The following PRSS23 variants were observed in gnomAD, a reference collection of about 807,000 sequenced individuals.
The protein encoded by PRSS23 is serine protease 23.
A neutral mutation model predicts 34.7 loss-of-function variants in PRSS23; 25 were observed. The observed-to-expected ratio is 0.72, with a 90% CI of 0.53 to 1.01. The LOEUF (loss-of-function observed/expected upper bound fraction) is 1.01, where lower values mean the gene tolerates loss of function less well. Among genes scored for constraint, PRSS23 ranks in the 50% least tolerant of loss-of-function variants. PRSS23 has a pLI of 0.00. For missense variants in PRSS23, 445 were observed against 475.6 expected (o/e 0.94, Z 0.60); for synonymous variants, 176 against 186.6 (o/e 0.94, Z 0.46).
At chr11:86,837,500 GGCTC>G (rs1948415590) in intron 2 of PRSS23, 2 of 152,238 alleles carry the variant, frequency 1.3e-5, no homozygotes, top group African/African-American at 2.4e-5. Flanking sequence ...CAGACACAGT[GGCTC>G]ACACCTGTAA....
rs1948173849 is a variant in PRSS23 at position 86,811,112 on chromosome 11, C to G, written c.*2317C>G. The G allele has an allele frequency of 6.0e-6, 1 of 167,072 alleles. No individual in the cohort carries two copies. The highest frequency in any genetic ancestry group is 1.5e-5 in the Non-Finnish European group (1 of 68,124). 10.3% of individuals were successfully genotyped at this position (167,072 alleles called of 1,614,324 possible). A position where few individuals can be genotyped will look rare whatever the true frequency, so the allele number is the denominator to read the frequency against. On this transcript the variant is annotated 3_prime_UTR_variant, in exon 2 of 2. Transcript: ENST00000280258. ...TCAGAGGAAGATGCCTCTCCATTTT[C>G]CCTCTCTTTATCAGAGGTTCACATG...
chr11:86,945,209 G>GA (rs919193894), intron 2 of PRSS23, among the ~76,000 whole-genome samples: 361 of 139,936 alleles, frequency 2.6e-3, no homozygotes, highest in African/African-American at 7.4e-3. Flanking sequence ...TGGGTAGCCA[G>GA]AAAAAAAAAA....
chr11:86,951,308 A>G lies in PRSS23; in HGVS notation c.*23A>G, dbSNP rs777938879. ...TGAAGTGATGCCCACCAACAAAGACATAAAAATTTTCAACATTTCAACAGC... is the reference window on the plus strand; with the variant it reads ...TGAAGTGATGCCCACCAACAAAGACGTAAAAATTTTCAACATTTCAACAGC... On this transcript the variant is annotated 3_prime_UTR_variant, in exon 3 of 3. Transcript: ENST00000533902. 1.1e-5 allele frequency: 17 copies of G among 1,614,048 alleles called. No individual in the cohort carries two copies. In the South Asian group the frequency reaches 1.9e-4, roughly 18 times the overall value.
intron 2 of PRSS23, among the ~76,000 whole-genome samples, chr11:86,904,138 A>C (rs1263565773): frequency 6.6e-6 from 1 of 152,172 alleles, no homozygotes; most frequent in Non-Finnish European, 1.5e-5. Context: ...GAGTACAAAT[A>C]AAGCTGCAGA....
intron 2 of PRSS23, among the ~76,000 whole-genome samples, chr11:86,858,639 G>T (rs1165810676): frequency 6.6e-6 from 1 of 151,510 alleles, no homozygotes; most frequent in East Asian, 1.9e-4. Flanking sequence ...ATATTGCAGG[G>T]GGTGTACACA....
At chr11:86,800,466 G>C (rs1425943450), upstream of PRSS23, 2 of 983,862 alleles carry the variant, frequency 2.0e-6, no homozygotes, top group Non-Finnish European at 2.4e-6. Context: ...CCCCGAGGCC[G>C]GAGGCGGGGC....
exon 3 of PRSS23, chr11:86,951,459 G>A (rs748018430): frequency 1.2e-6 from 2 of 1,613,922 alleles, no homozygotes; most frequent in South Asian, 2.2e-5. Flanking sequence ...TTGACCATCA[G>A]TCTTTCTAAC....
intron 2 of PRSS23, among the ~76,000 whole-genome samples, chr11:86,852,276 G>A (rs1217593194): frequency 2.6e-5 from 4 of 152,198 alleles, no homozygotes; most frequent in African/African-American, 9.7e-5. Flanking sequence ...ACCTCACACT[G>A]CAGGGCTGGA....
intron 2 of PRSS23, among the ~76,000 whole-genome samples, chr11:86,899,390 G>A (rs1222566868): frequency 2.6e-5 from 4 of 152,166 alleles, no homozygotes; most frequent in African/African-American, 7.2e-5. Context: ...ATGGCAGCTC[G>A]CACCTGTAGT....
At chr11:86,851,318 G>A (rs980685906) in intron 2 of PRSS23, among the ~76,000 whole-genome samples, 2 of 152,218 alleles carry the variant, frequency 1.3e-5, no homozygotes, top group African/African-American at 4.8e-5. Context: ...CCAGGGGCAG[G>A]GGCAAGGGAG....
chr11:86,827,867 A>T (rs1258728583), intron 2 of PRSS23, among the ~76,000 whole-genome samples: 1 of 152,128 alleles, frequency 6.6e-6, no homozygotes, highest in Non-Finnish European at 1.5e-5. Context: ...GACAGTTTGT[A>T]ATAATGTCTG....
At chr11:86,831,510 C>T (rs61906679) in intron 2 of PRSS23, among the ~76,000 whole-genome samples, 4,001 of 151,788 alleles carry the variant, frequency 0.026, 89 homozygotes, top group Middle Eastern at 0.085. Context: ...GTATACACAC[C>T]GTGATATTAT....
At chr11:86,924,933 G>A (rs1433161010) in intron 2 of PRSS23, 1 of 152,136 alleles carries the variant, frequency 6.6e-6, no homozygotes, top group Admixed American at 6.6e-5. Context: ...CTGAGACTCA[G>A]TATTTCATTC....
intron 2 of PRSS23, among the ~76,000 whole-genome samples, chr11:86,828,423 A>G (rs1479212649): frequency 6.6e-6 from 1 of 152,136 alleles, no homozygotes; most frequent in Non-Finnish European, 1.5e-5. Context: ...AATACAGCAC[A>G]CTGGTGGGTC....
At chr11:86,885,393 T>C (rs80324631) in intron 2 of PRSS23, among the ~76,000 whole-genome samples, 7,238 of 152,362 alleles carry the variant, frequency 0.048, 187 homozygotes, top group Middle Eastern at 0.12. Context: ...ACTCCTATGA[T>C]GGTTAACTTT....
At chr11:86,880,456 A>AT (rs1481818722) in intron 2 of PRSS23, among the ~76,000 whole-genome samples, 1 of 151,400 alleles carries the variant, frequency 6.6e-6, no homozygotes, top group Non-Finnish European at 1.5e-5. Flanking sequence ...AAAAATAAAA[A>AT]AAATAAAAAG....
intron 2 of PRSS23, among the ~76,000 whole-genome samples, chr11:86,853,331 C>T (rs1392680686): frequency 1.1e-4 from 15 of 142,458 alleles, no homozygotes; most frequent in South Asian, 2.3e-4. Context: ...CTGGGCTCAC[C>T]GCAACCTCCG....
Position 86,829,672 on chromosome 11 carries a change from G to A in PRSS23, c.206+6079G>A, listed in dbSNP as rs549600096. On this transcript the variant is annotated intron_variant, in intron 2 of 2. Transcript: ENST00000533902. Reference sequence around the variant, plus strand: ...GATGTACAGATGGGTTTTTGGTGTGGATGTCCTTTCTGTTTGTTAGTTTTC... The same window carrying A: ...GATGTACAGATGGGTTTTTGGTGTGAATGTCCTTTCTGTTTGTTAGTTTTC... Among the ~76,000 whole-genome samples the A allele has an allele frequency of 3.9e-5, 6 of 151,992 alleles. 1 individual carries two copies. Among genetic ancestry groups the A allele is most frequent in the Non-Finnish European group, 8.8e-5 (6 of 67,916 alleles).
At position 86,910,419 on chromosome 11, in the gene PRSS23, A is replaced by C. The variant is rs371240301; in HGVS notation, c.207-40797A>C. 1.2e-4 allele frequency: 18 copies of C among 152,334 alleles called. No homozygotes were observed. The East Asian group carries it at 3.5e-3, about 29-fold the overall frequency. The allele number at this position is 152,334 out of a possible 1,614,324, so 9.4% of individuals were successfully genotyped here. A position where few individuals can be genotyped will look rare whatever the true frequency, so the allele number is the denominator to read the frequency against. ...GAGCCATTTCAGGGTTTTAAAAATT[A>C]GTCCAGAATTGTTTGGCCCCCGTAA... On this transcript the variant is annotated intron_variant, in intron 2 of 2. Transcript: ENST00000533902.
Sources: gnomAD v4.1 joint callset for allele counts (sites outside exome capture counted in the v4.1 genomes callset) on GRCh38, gnomAD v4.1.1 for gene constraint, MANE v1.5 for transcripts, NCBI Gene and HGNC (gene_info 2026-07-23, HGNC 2026-07-21) for gene names.